FMN1: variants seen among roughly 807,000 people sequenced by gnomAD.
FMN1 encodes the protein formin 1, also known as formin-1.
Under a neutral mutation model 132.4 loss-of-function variants are expected in FMN1, and 110 were observed. That is an observed-to-expected ratio of 0.83 (90% confidence interval 0.71 to 0.97). FMN1 has a LOEUF of 0.97. FMN1 is among the 50% of genes least tolerant of loss of function. The pLI is 0.00. For synonymous variants in FMN1, 722 were observed against 651.7 expected (o/e 1.11, Z -1.64); for missense variants, 1,792 against 1,705.3 (o/e 1.05, Z -0.90).
chr15:33,113,202 G>A (rs1395489707), intron 4 of FMN1, among the ~76,000 whole-genome samples: 3 of 152,070 alleles, frequency 2.0e-5, no homozygotes, highest in African/African-American at 7.2e-5. Context: ...CATTTGTTAG[G>A]GGGTTGCTCA....
intron 3 of FMN1, among the ~76,000 whole-genome samples, chr15:33,172,103 G>T (rs1965347037): frequency 6.6e-6 from 1 of 151,984 alleles, no homozygotes; most frequent in Non-Finnish European, 1.5e-5. Flanking sequence ...AGCTACTCCG[G>T]AGGCTGAGGC....
rs914313976 is a variant in FMN1 at position 32,769,980 on chromosome 15, C to T, written c.*4330G>A. 3.3e-5 allele frequency: 5 copies of T among 152,042 alleles called. No individual in the cohort carries two copies. The highest frequency in any genetic ancestry group is 7.4e-5 in the Non-Finnish European group (5 of 68,018). The allele number at this position is 152,042 out of a possible 1,614,324, so 9.4% of individuals were successfully genotyped here. A position where few individuals can be genotyped will look rare whatever the true frequency, so the allele number is the denominator to read the frequency against. On this transcript the variant is annotated 3_prime_UTR_variant, in exon 21 of 21. Transcript: ENST00000616417. ...CTCAAATATAACTGATGCTTGTTAGCAATTTAAAAAGACAATTTAAACTGT... is the reference window on the plus strand; with the variant it reads ...CTCAAATATAACTGATGCTTGTTAGTAATTTAAAAAGACAATTTAAACTGT...
At position 32,768,085 on chromosome 15, in the gene FMN1, A is replaced by G. The variant is rs1321486333; in HGVS notation, c.*6225T>C. 2.0e-5 allele frequency: 3 copies of G among 152,238 alleles called. No individual in the cohort carries two copies. The highest frequency in any genetic ancestry group is 2.4e-5 in the African/African-American group (1 of 41,466). The allele number at this position is 152,238 out of a possible 1,614,324, so 9.4% of individuals were successfully genotyped here. ...TTAGTCCCTTACTGGGAAGAGCAGT[A>G]TAATTTTTGTATGCTATAAACTCCT... On this transcript the variant is annotated 3_prime_UTR_variant, in exon 21 of 21. Coordinates refer to ENST00000616417, the MANE Select transcript of FMN1 (RefSeq NM_001277313.2).
intron 17 of FMN1, among the ~76,000 whole-genome samples, chr15:32,819,534 TTC>T: frequency 6.6e-6 from 1 of 152,326 alleles, no homozygotes; most frequent in African/African-American, 2.4e-5. Flanking sequence ...ATTTGACAGT[TTC>T]TGTCAGAAAG....
chr15:32,804,691 TG>T (rs2057613203), intron 17 of FMN1, among the ~76,000 whole-genome samples: 2 of 120,766 alleles, frequency 1.7e-5, no homozygotes, highest in South Asian at 3.2e-4. Flanking sequence ...CCCCAGTGTG[TG>T]ATGTTCCCCA....
rs1179847706 is a variant in FMN1, at chr15:33,188,076, T to G, written c.-197+5833A>C. Among the ~76,000 whole-genome samples the G allele has an allele frequency of 3.9e-5, 6 of 152,140 alleles. No homozygotes were observed. In the East Asian group the frequency reaches 9.6e-4, roughly 24 times the overall value. Reference sequence around the variant, plus strand: ...TTGGCCGGGCACGGTGGCTCATGCCTGTAATCCCAGCACTTTGGGAGGCCG... The same window carrying G: ...TTGGCCGGGCACGGTGGCTCATGCCGGTAATCCCAGCACTTTGGGAGGCCG... On this transcript the variant is annotated intron_variant, in intron 2 of 20. Coordinates refer to ENST00000616417, the MANE Select transcript of FMN1 (RefSeq NM_001277313.2).
intron 4 of FMN1, among the ~76,000 whole-genome samples, chr15:33,121,485 A>G (rs1009859669): frequency 7.9e-5 from 12 of 152,152 alleles, no homozygotes; most frequent in Non-Finnish European, 1.6e-4. Context: ...TCATTTGTCT[A>G]TTACACCATT....
intron 17 of FMN1, among the ~76,000 whole-genome samples, chr15:32,831,976 T>C (rs564795716): frequency 7.0e-4 from 106 of 152,298 alleles, no homozygotes; most frequent in Non-Finnish European, 1.0e-3. Context: ...TGTAACTCTT[T>C]AAAACATCAT....
At chr15:32,964,364 A>C in intron 8 of FMN1, 107 bp from the exon 9 acceptor site, 1 of 808,358 alleles carries the variant, frequency 1.2e-6, no homozygotes, top group East Asian at 2.5e-5. Context: ...TTCTAAAAAA[A>C]CACATAAAAC....
chr15:33,056,373 C>T (rs2037216056), intron 6 of FMN1, among the ~76,000 whole-genome samples: 1 of 152,160 alleles, frequency 6.6e-6, no homozygotes, highest in South Asian at 2.1e-4. Flanking sequence ...GGCTGAGAGA[C>T]CCCAGTGCAG....
chr15:32,996,333 T>A (rs961936657), intron 7 of FMN1, among the ~76,000 whole-genome samples: 6 of 152,226 alleles, frequency 3.9e-5, no homozygotes, highest in Non-Finnish European at 8.8e-5. Flanking sequence ...CTATCCTACC[T>A]AGGGTTACAT....
chr15:32,788,547 T>G (rs1443455143), intron 19 of FMN1, among the ~76,000 whole-genome samples: 1 of 152,132 alleles, frequency 6.6e-6, no homozygotes, highest in African/African-American at 2.4e-5. Flanking sequence ...CAGGGAAGAT[T>G]GTCTGGAGTA....
chr15:32,858,818 C>A (rs1216993605), intron 16 of FMN1, among the ~76,000 whole-genome samples: 1 of 152,140 alleles, frequency 6.6e-6, no homozygotes, highest in Non-Finnish European at 1.5e-5. Context: ...GTCCTCTCTA[C>A]AATAACTACT....
At position 32,955,652 on chromosome 15, in the gene FMN1, A is replaced by T. The variant is rs527296782; in HGVS notation, c.3138+8455T>A. ...AAAACTTCCCTCAACGAGAAGATAA[A>T]TATTTTTTAAAGCATAAATATTTAG... is the stretch of plus-strand genomic sequence containing the variant. On this transcript the variant is annotated intron_variant, in intron 9 of 20. Coordinates refer to ENST00000616417, the MANE Select transcript of FMN1 (RefSeq NM_001277313.2). Among the ~76,000 whole-genome samples, 250 of 152,350 alleles carry T rather than the reference A, an allele frequency of 1.6e-3. 1 individual carries two copies. The highest frequency in any genetic ancestry group is 5.7e-3 in the African/African-American group (239 of 41,576).
In FMN1 at chr15:32,899,996, T is replaced by G. The variant is rs2060256520; in HGVS notation, c.3637A>C (p.Lys1213Gln). The G allele has an allele frequency of 1.2e-6, 2 of 1,613,594 alleles. No individual in the cohort carries two copies. Among genetic ancestry groups the G allele is most frequent in the African/African-American group, 1.3e-5 (1 of 74,914 alleles). ...ATAAATACCCGACTTTTGACATCCT[T>G]GAGTTTGGGCAGAATTTCTAAGCTA... ...GYSLEILPKL[K>Q]DVKSRDNGIN... The change falls in exon 14 of 21, where the codon AAG (lysine) becomes CAG (glutamine). Residue 1213 changes from lysine to glutamine, a missense_variant. Around this residue, in one of 3 missense-constraint regions of FMN1, gnomAD observed 1,150 missense variants for 1,043.1 expected, o/e 1.10. Transcript: ENST00000616417.
chr15:32,800,737 G>C (rs1475669224), intron 18 of FMN1, among the ~76,000 whole-genome samples: 1 of 152,194 alleles, frequency 6.6e-6, no homozygotes, highest in African/African-American at 2.4e-5. Context: ...CAGGTCCCCT[G>C]ATTTTCTGTG....
At chr15:32,802,713 T>C (rs2057521433) in intron 18 of FMN1, among the ~76,000 whole-genome samples, 1 of 152,164 alleles carries the variant, frequency 6.6e-6, no homozygotes, top group Non-Finnish European at 1.5e-5. Context: ...GTATTAGAAA[T>C]TTGACATCCG....
rs1051542882 is a variant in FMN1, at chr15:32,891,749, G to A, written c.3715-3457C>T. The stretch of plus-strand genomic sequence containing the variant: ...TCAGCAATATTTTGTAGTTTTCCTT[G>A]TGGAGGTCTTTTGACTCCTTAGGTA... On this transcript the variant is annotated intron_variant, in intron 15 of 20. Transcript: ENST00000616417. Among the ~76,000 whole-genome samples the A allele has an allele frequency of 3.9e-5, 6 of 152,040 alleles. No individual in the cohort carries two copies. In the South Asian group the frequency reaches 1.0e-3, roughly 26 times the overall value.
intron 7 of FMN1, among the ~76,000 whole-genome samples, chr15:32,999,120 A>G (rs1001445001): frequency 5.9e-5 from 9 of 152,228 alleles, no homozygotes; most frequent in African/African-American, 2.2e-4. Context: ...AATGAATTAC[A>G]CTAATATCAG....
Sources: gnomAD v4.1 joint callset for allele counts (sites outside exome capture counted in the v4.1 genomes callset) on GRCh38, gnomAD v4.1.1 for gene constraint, gnomAD v4.1.1 regional missense constraint, MANE v1.5 for transcripts, NCBI Gene and HGNC (gene_info 2026-07-23, HGNC 2026-07-21) for gene names.